Variants in ZDHHC15 observed in about 807,000 individuals in gnomAD.
ZDHHC15 encodes zDHHC palmitoyltransferase 15.
ZDHHC15 carries 19 observed loss-of-function variants against 31.7 expected under a neutral mutation model. The ratio of observed to expected loss-of-function variants is 0.60; its 90% CI spans 0.42 to 0.88. The LOEUF (loss-of-function observed/expected upper bound fraction) is 0.88. Among genes scored for constraint, ZDHHC15 ranks in the 40% least tolerant of loss-of-function variants. The pLI is 0.00. For missense variants in ZDHHC15, 209 were observed against 251.2 expected (o/e 0.83, Z 1.14); for synonymous variants, 103 against 90.0 (o/e 1.14, Z -0.82).
intron 1 of ZDHHC15, among the ~76,000 whole-genome samples, chrX:75,510,243 G>A (rs1231045208): frequency 9.0e-6 from 1 of 111,645 alleles, no homozygotes; most frequent in East Asian, 2.8e-4. Context: ...TGGAGGTGCA[G>A]AAATTTGTAT....
intron 3 of ZDHHC15, among the ~76,000 whole-genome samples, chrX:75,474,697 C>A (rs1022346447): frequency 1.0e-4 from 11 of 107,901 alleles, no homozygotes; most frequent in Non-Finnish European, 1.5e-4. Context: ...GTTATTTACC[C>A]ATTTTAAAAC....
At chrX:75,493,202 C>T (rs775378062) in intron 2 of ZDHHC15, among the ~76,000 whole-genome samples, 5 of 111,560 alleles carry the variant, frequency 4.5e-5, no homozygotes, top group Admixed American at 9.5e-5. Flanking sequence ...ATAAATTCCT[C>T]GACACATACA....
chrX:75,454,172 A>C (rs1050203932), intron 3 of ZDHHC15, among the ~76,000 whole-genome samples: 5 of 112,217 alleles, frequency 4.5e-5, no homozygotes, highest in Admixed American at 1.9e-4. Context: ...CCTTAAGCTG[A>C]TAAGCAACTT....
chrX:75,479,066 ATTT>A (rs2084650003), intron 2 of ZDHHC15, 81 bp from the exon 3 acceptor site: 2 of 644,975 alleles, frequency 3.1e-6, no homozygotes, highest in African/African-American at 4.6e-5. Flanking sequence ...TCCATGACGA[ATTT>A]TTATTGTTTT....
chrX:75,406,268 G>A (rs73488494), intron 10 of ZDHHC15, among the ~76,000 whole-genome samples: 2,040 of 110,898 alleles, frequency 0.018, 56 homozygotes, highest in African/African-American at 0.063. Flanking sequence ...AAAAAAGAAC[G>A]TAACCATGCA....
chrX:75,437,441 C>A (rs1461930162), intron 4 of ZDHHC15, among the ~76,000 whole-genome samples: 1 of 62,264 alleles, frequency 1.6e-5, no homozygotes, highest in Non-Finnish European at 2.8e-5. Context: ...CCCCCCTCCC[C>A]CCACCCCACA....
In ZDHHC15 at chrX:75,424,752, A is replaced by G. The variant is rs1602603249; in HGVS notation, c.636T>C (p.His212=). 2 of 1,205,990 alleles carry G rather than the reference A, an allele frequency of 1.7e-6. No individual in the cohort carries two copies. Among genetic ancestry groups the G allele is most frequent in the East Asian group, 3.0e-5 (1 of 33,579 alleles). ...AGGCCACAAAGAGAAGAAAAAGGACATGGAACTTAGAGCGAACACTGGGTA... is the reference window on the plus strand; with the variant it reads ...AGGCCACAAAGAGAAGAAAAAGGACGTGGAACTTAGAGCGAACACTGGGTA... ...GELPSVRSKF[H]VLFLLFVACM... is the part of the protein sequence containing the mutation. The change falls in exon 8 of 12, where the codon CAT becomes CAC. Residue 212 remains histidine (H), a synonymous_variant. Coordinates refer to ENST00000373367, the MANE Select transcript of ZDHHC15 (RefSeq NM_144969.3).
rs546345910 is a variant in ZDHHC15 at position 75,488,635 on chromosome X, T to C, written c.164-9650A>G. ...ATGAAAAATACCCAAGATGGCTGAATAGGAACAGCTCCAGTCTACAGCTCC... is the reference window on the plus strand; with the variant it reads ...ATGAAAAATACCCAAGATGGCTGAACAGGAACAGCTCCAGTCTACAGCTCC... On this transcript the variant is annotated intron_variant, in intron 2 of 11. Coordinates refer to ENST00000373367, the MANE Select transcript of ZDHHC15 (RefSeq NM_144969.3). 4.5e-5 allele frequency among the ~76,000 whole-genome samples: 5 copies of C among 112,213 alleles called. 1 individual carries two copies. The East Asian group carries it at 1.4e-3, about 32-fold the overall frequency.
intron 7 of ZDHHC15, among the ~76,000 whole-genome samples, chrX:75,428,128 C>T (rs6647730): frequency 0.18 from 19,915 of 110,043 alleles, 1,970 homozygotes; most frequent in East Asian, 0.86. Context: ...TGTGCAATCC[C>T]TAAATAACTA....
chrX:75,500,487 A>G (rs1250727365), intron 2 of ZDHHC15, among the ~76,000 whole-genome samples: 6 of 109,757 alleles, frequency 5.5e-5, no homozygotes, highest in African/African-American at 1.3e-4. Flanking sequence ...CTATACTTAT[A>G]TGTTTCTATG....
chrX:75,485,858 T>C (rs2084769445), intron 2 of ZDHHC15, among the ~76,000 whole-genome samples: 1 of 112,291 alleles, frequency 8.9e-6, no homozygotes, highest in Non-Finnish European at 1.9e-5. Flanking sequence ...GTTCAAGTAC[T>C]TTCATAATCA....
intron 10 of ZDHHC15, among the ~76,000 whole-genome samples, chrX:75,415,389 C>G (rs2083538062): frequency 9.0e-6 from 1 of 111,654 alleles, no homozygotes; most frequent in Admixed American, 9.5e-5. Context: ...AACCCCTCAG[C>G]TATCTAAGAT....
chrX:75,387,134 G>A (rs1025141018), intron 10 of ZDHHC15, among the ~76,000 whole-genome samples: 3 of 111,654 alleles, frequency 2.7e-5, no homozygotes, highest in African/African-American at 9.8e-5. Context: ...CAGTGACCTA[G>A]TGAGGAAAAA....
chrX:75,518,390 T>G lies in ZDHHC15; in HGVS notation c.136+4499A>C, dbSNP rs138390876. On this transcript the variant is annotated intron_variant, in intron 1 of 11. Coordinates refer to ENST00000373367, the MANE Select transcript of ZDHHC15 (RefSeq NM_144969.3). ...AGTACATAAAAAGATACTCAATATT[T>G]TTTTCATTATGGAAATACAAATCAA... Among the ~76,000 whole-genome samples, 1,031 of 110,911 alleles carry G rather than the reference T, an allele frequency of 9.3e-3. 16 individuals are homozygous for G. The highest frequency in any genetic ancestry group is 0.033 in the African/African-American group (993 of 30,527).
intron 2 of ZDHHC15, among the ~76,000 whole-genome samples, chrX:75,483,441 C>A (rs1214078924): frequency 9.1e-6 from 1 of 110,479 alleles, no homozygotes; most frequent in Non-Finnish European, 1.9e-5. Flanking sequence ...GTGGCAGATG[C>A]TTGTAATTTC....
At chrX:75,468,330 C>T (rs2084446970) in intron 3 of ZDHHC15, among the ~76,000 whole-genome samples, 2 of 111,754 alleles carry the variant, frequency 1.8e-5, no homozygotes, top group Admixed American at 9.5e-5. Context: ...CAGGCATGAG[C>T]CACGAGCCCA....
intron 3 of ZDHHC15, among the ~76,000 whole-genome samples, chrX:75,461,326 G>T (rs1337010405): frequency 9.0e-6 from 1 of 111,693 alleles, no homozygotes; most frequent in African/African-American, 3.3e-5. Flanking sequence ...ACCTGAAAGA[G>T]ATGGCGTGAA....
intron 2 of ZDHHC15, among the ~76,000 whole-genome samples, chrX:75,497,778 C>T (rs775724991): frequency 1.8e-5 from 2 of 110,948 alleles, no homozygotes; most frequent in Non-Finnish European, 3.8e-5. Flanking sequence ...ATCCCGCATC[C>T]CTTTATGATT....
At chrX:75,457,751 T>TA (rs1166895114) in intron 3 of ZDHHC15, among the ~76,000 whole-genome samples, 4 of 110,531 alleles carry the variant, frequency 3.6e-5, no homozygotes, top group South Asian at 7.6e-4. Context: ...CCAACTGGAT[T>TA]AAAAAATATT....
Sources: allele counts gnomAD v4.1 joint callset (sites outside exome capture counted in the v4.1 genomes callset), GRCh38; gene constraint gnomAD v4.1.1; transcripts MANE v1.5; gene names NCBI Gene and HGNC (gene_info 2026-07-23, HGNC 2026-07-21).